The following SGCZ variants were observed in gnomAD, a reference collection of about 807,000 sequenced individuals.
SGCZ encodes sarcoglycan zeta, also known as zeta-sarcoglycan.
A neutral mutation model predicts 41.3 loss-of-function variants in SGCZ; 40 were observed. The ratio of observed to expected loss-of-function variants is 0.97; its 90% CI spans 0.75 to 1.26. SGCZ has a LOEUF of 1.26. SGCZ is among the 50% of genes most tolerant of loss of function. The pLI is 0.00. For synonymous variants in SGCZ, 206 were observed against 137.5 expected (o/e 1.50, Z -3.49); for missense variants, 552 against 369.8 (o/e 1.49, Z -4.04).
At position 14,740,075 on chromosome 8, in the gene SGCZ, A is replaced by G. The variant is rs577748708; in HGVS notation, c.40-185149T>C. Among the ~76,000 whole-genome samples, 3 of 152,172 alleles carry G rather than the reference A, an allele frequency of 2.0e-5. No individual in the cohort carries two copies. The East Asian group carries it at 5.8e-4, about 29-fold the overall frequency. ...TCAAAATTGGCAGCTAAAAACGTGAAGCATATAATAATAAAATGCATAAGT... is the reference window on the plus strand; with the variant it reads ...TCAAAATTGGCAGCTAAAAACGTGAGGCATATAATAATAAAATGCATAAGT... On this transcript the variant is annotated intron_variant, in intron 1 of 7. Transcript: ENST00000382080.
intron 1 of SGCZ, among the ~76,000 whole-genome samples, chr8:14,590,177 T>C (rs1256490373): frequency 3.9e-5 from 6 of 152,094 alleles, no homozygotes; most frequent in Non-Finnish European, 7.4e-5. Context: ...TATGGACAAT[T>C]TGAATCCAAG....
At chr8:14,466,874 C>T (rs1325492478) in intron 2 of SGCZ, among the ~76,000 whole-genome samples, 4 of 151,542 alleles carry the variant, frequency 2.6e-5, no homozygotes, top group Admixed American at 6.6e-5. Context: ...TTCTCTATGT[C>T]TTCCTTTAAT....
chr8:14,825,823 T>A (rs566410986), intron 1 of SGCZ, among the ~76,000 whole-genome samples: 4 of 152,318 alleles, frequency 2.6e-5, no homozygotes, highest in Non-Finnish European at 5.9e-5. Context: ...TGTGTCTGGC[T>A]TATTTCACTT....
At chr8:15,004,449 T>C (rs778589297) in intron 1 of SGCZ, among the ~76,000 whole-genome samples, 10 of 151,868 alleles carry the variant, frequency 6.6e-5, no homozygotes, top group Non-Finnish European at 1.5e-4. Flanking sequence ...ACACTTAAGA[T>C]AGAGGTGGGA....
chr8:14,313,908 CTCTGTG>C (rs1344182364), intron 3 of SGCZ, among the ~76,000 whole-genome samples: 10 of 88,826 alleles, frequency 1.1e-4, no homozygotes, highest in South Asian at 1.1e-3. Context: ...TATATCATCT[CTCTGTG>C]TGTGTGTGTG....
intron 1 of SGCZ, among the ~76,000 whole-genome samples, chr8:15,092,548 G>A (rs1806192351): frequency 6.6e-6 from 1 of 152,120 alleles, no homozygotes; most frequent in Admixed American, 6.6e-5. Context: ...CCATTGCTTT[G>A]TACAAGGAGA....
intron 1 of SGCZ, among the ~76,000 whole-genome samples, chr8:15,091,258 G>A (rs1164261219): frequency 1.3e-5 from 2 of 152,180 alleles, no homozygotes; most frequent in East Asian, 1.9e-4. Flanking sequence ...GGGCTCAAGT[G>A]GTCCTCCCAA....
intron 1 of SGCZ, among the ~76,000 whole-genome samples, chr8:14,847,179 A>AGAAGAAGAG (rs1216860215): frequency 6.8e-6 from 1 of 146,570 alleles, no homozygotes; most frequent in African/African-American, 2.6e-5. Context: ...AAGAAGAAGA[A>AGAAGAAGAG]GAAGAAGAGA....
At chr8:14,962,819 T>A (rs949735057) in intron 1 of SGCZ, among the ~76,000 whole-genome samples, 1 of 152,196 alleles carries the variant, frequency 6.6e-6, no homozygotes, top group East Asian at 1.9e-4. Flanking sequence ...TGATAAGATA[T>A]GCAGAACAAG....
At chr8:14,257,298 C>T (rs181231710) in intron 3 of SGCZ, among the ~76,000 whole-genome samples, 2 of 151,806 alleles carry the variant, frequency 1.3e-5, no homozygotes, top group African/African-American at 4.8e-5. Context: ...GCCACTCACT[C>T]CCTCACTCCA....
At chr8:14,381,705 G>C (rs1239160423) in intron 2 of SGCZ, among the ~76,000 whole-genome samples, 1 of 151,870 alleles carries the variant, frequency 6.6e-6, no homozygotes, top group African/African-American at 2.4e-5. Context: ...AGGGTCTCTT[G>C]AGCCCAGGAG....
At chr8:14,663,631 C>G (rs958754150) in intron 1 of SGCZ, among the ~76,000 whole-genome samples, 4 of 152,094 alleles carry the variant, frequency 2.6e-5, no homozygotes, top group African/African-American at 9.7e-5. Context: ...GCACCTGGAA[C>G]ATTGTATTTG....
chr8:14,611,332 A>ATG (rs5889540), intron 1 of SGCZ, among the ~76,000 whole-genome samples: 5 of 137,394 alleles, frequency 3.6e-5, no homozygotes, highest in African/African-American at 1.3e-4. Context: ...ATGTGGGTCT[A>ATG]TGTGTGTGTG....
At chr8:14,400,149 G>A (rs1391199388) in intron 2 of SGCZ, among the ~76,000 whole-genome samples, 2 of 151,914 alleles carry the variant, frequency 1.3e-5, no homozygotes, top group Admixed American at 1.3e-4. Context: ...TCTTTCACTT[G>A]GCTATTGTTT....
At chr8:14,606,170 GC>G (rs1805742534) in intron 1 of SGCZ, among the ~76,000 whole-genome samples, 1 of 151,290 alleles carries the variant, frequency 6.6e-6, no homozygotes, top group South Asian at 2.1e-4. Context: ...CTTTTTATTA[GC>G]CATCTCCTCC....
intron 1 of SGCZ, among the ~76,000 whole-genome samples, chr8:14,588,833 A>G (rs1223916171): frequency 6.6e-6 from 1 of 152,170 alleles, no homozygotes; most frequent in Non-Finnish European, 1.5e-5. Flanking sequence ...AATTAAATTT[A>G]CCCTCTGGGA....
intron 1 of SGCZ, among the ~76,000 whole-genome samples, chr8:14,824,694 G>C (rs1802233114): frequency 6.6e-6 from 1 of 151,998 alleles, no homozygotes; most frequent in Non-Finnish European, 1.5e-5. Context: ...TGAGGAATGA[G>C]TGATAATTAA....
chr8:14,188,281 G>C (rs969939217), intron 4 of SGCZ, among the ~76,000 whole-genome samples: 9 of 152,154 alleles, frequency 5.9e-5, no homozygotes, highest in Non-Finnish European at 1.3e-4. Context: ...ATCAGAAACA[G>C]AATACATGCA....
intron 2 of SGCZ, among the ~76,000 whole-genome samples, chr8:14,419,717 ATAAAC>A (rs1263237800): frequency 1.3e-5 from 2 of 152,014 alleles, no homozygotes; most frequent in African/African-American, 4.8e-5. Context: ...TTAAATTAAA[ATAAAC>A]TAAACTTGCT....
Sources: gnomAD v4.1 joint callset for allele counts (sites outside exome capture counted in the v4.1 genomes callset) on GRCh38, gnomAD v4.1.1 for gene constraint, MANE v1.5 for transcripts, NCBI Gene and HGNC (gene_info 2026-07-23, HGNC 2026-07-21) for gene names.